Variants in STAG1 observed in about 807,000 individuals in gnomAD.
STAG1 encodes cohesin subunit SA-1.
STAG1 carries 26 observed loss-of-function variants against 170.9 expected under a neutral mutation model. The observed-to-expected ratio is 0.15, with a 90% CI of 0.11 to 0.21. The LOEUF is 0.21. STAG1 is among the 10% of genes least tolerant of loss of function. The pLI, the probability that STAG1 is intolerant of heterozygous loss-of-function variation, is 1.00. For missense variants in STAG1, 964 were observed against 1,509.5 expected (o/e 0.64, Z 5.99); for synonymous variants, 514 against 497.7 (o/e 1.03, Z -0.44).
intron 14 of STAG1, among the ~76,000 whole-genome samples, chr3:136,448,639 T>C (rs2088852651): frequency 6.6e-6 from 1 of 152,028 alleles, no homozygotes; most frequent in Non-Finnish European, 1.5e-5. Flanking sequence ...CTGTAACTAA[T>C]CTATAAAAGA....
chr3:136,555,408 G>A (rs1936572428), intron 5 of STAG1, among the ~76,000 whole-genome samples: 1 of 151,582 alleles, frequency 6.6e-6, no homozygotes, highest in Non-Finnish European at 1.5e-5. Flanking sequence ...TCACGACTGG[G>A]CACAGTGGCT....
intron 3 of STAG1, among the ~76,000 whole-genome samples, chr3:136,613,028 C>T (rs1450897347): frequency 2.0e-5 from 3 of 152,000 alleles, no homozygotes; most frequent in East Asian, 3.9e-4. Context: ...CTGGGCCGGG[C>T]GCAGTGGCTC....
intron 13 of STAG1, among the ~76,000 whole-genome samples, chr3:136,461,480 T>C (rs999559413): frequency 3.4e-5 from 5 of 149,056 alleles, no homozygotes; most frequent in African/African-American, 1.2e-4. Flanking sequence ...AGTAGCAGAA[T>C]ACAAAATCAA....
At chr3:136,535,887 C>A (rs570651031) in intron 6 of STAG1, among the ~76,000 whole-genome samples, 2 of 152,194 alleles carry the variant, frequency 1.3e-5, no homozygotes, top group Non-Finnish European at 2.9e-5. Flanking sequence ...AATAAAAAAC[C>A]GAATTCCTAC....
chr3:136,477,456 C>A (rs1012052937), intron 9 of STAG1, 44 bp from the exon 10 acceptor site: 2 of 1,523,408 alleles, frequency 1.3e-6, no homozygotes, highest in Admixed American at 3.9e-5. Context: ...ATATACAAAG[C>A]TAGAATGCAT....
intron 23 of STAG1, among the ~76,000 whole-genome samples, chr3:136,374,157 T>C (rs891536591): frequency 1.3e-5 from 2 of 152,132 alleles, no homozygotes; most frequent in Non-Finnish European, 2.9e-5. Flanking sequence ...GAGACTAGGA[T>C]TGCAACCCCT....
intron 1 of STAG1, among the ~76,000 whole-genome samples, chr3:136,739,716 CGA>C (rs1350226380): frequency 6.6e-6 from 1 of 151,432 alleles, no homozygotes; most frequent in Non-Finnish European, 1.5e-5. Flanking sequence ...CCCAGCTACT[CGA>C]GAGGCTGAGG....
intron 3 of STAG1, among the ~76,000 whole-genome samples, chr3:136,607,142 A>G (rs1316410107): frequency 6.6e-6 from 1 of 152,140 alleles, no homozygotes; most frequent in Non-Finnish European, 1.5e-5. Context: ...CTTGGCTGAC[A>G]TAGTGTTTTG....
chr3:136,492,873 T>C (rs1025995963), intron 9 of STAG1, among the ~76,000 whole-genome samples: 10 of 152,178 alleles, frequency 6.6e-5, no homozygotes, highest in African/African-American at 2.2e-4. Context: ...CTGAAAATAA[T>C]GCTGTACAGG....
At chr3:136,640,040 G>GT (rs1940732303) in intron 1 of STAG1, among the ~76,000 whole-genome samples, 1 of 152,114 alleles carries the variant, frequency 6.6e-6, no homozygotes, top group African/African-American at 2.4e-5. Context: ...ACAAAAACCT[G>GT]TAAGTTTTTG....
At chr3:136,613,649 G>A (rs1000547037) in intron 3 of STAG1, among the ~76,000 whole-genome samples, 5 of 152,028 alleles carry the variant, frequency 3.3e-5, no homozygotes, top group South Asian at 4.1e-4. Flanking sequence ...ACCACACCCA[G>A]GTAATTTTTT....
rs138253511 is a variant in STAG1, at chr3:136,716,467, A to G, written c.-84+35728T>C. On this transcript the variant is annotated intron_variant, in intron 1 of 33. Transcript: ENST00000383202. ...GACAGAGCAAAACTCCATCTCAAAAAAGAAAAAAAAAGAAAAAAAGAACTA... is the reference window on the plus strand; with the variant it reads ...GACAGAGCAAAACTCCATCTCAAAAGAGAAAAAAAAAGAAAAAAAGAACTA... Among the ~76,000 whole-genome samples the G allele has an allele frequency of 7.2e-3, 1,090 of 152,090 alleles. 22 individuals carry two copies. Among genetic ancestry groups the G allele is most frequent in the African/African-American group, 0.024 (983 of 41,422 alleles).
At chr3:136,449,528 C>G (rs1268532112) in intron 14 of STAG1, among the ~76,000 whole-genome samples, 1 of 150,942 alleles carries the variant, frequency 6.6e-6, no homozygotes, top group Non-Finnish European at 1.5e-5. Context: ...CCACTGCACT[C>G]CAGCCTGAGT....
chr3:136,604,567 A>G (rs574051271), intron 3 of STAG1, 94 bp from the exon 4 acceptor site: 1 of 1,102,770 alleles, frequency 9.1e-7, no homozygotes, highest in South Asian at 2.3e-5. Context: ...ATCCCTAACC[A>G]AAAGAAACTT....
At chr3:136,383,999 T>G (rs1311121823) in intron 22 of STAG1, among the ~76,000 whole-genome samples, 1 of 150,238 alleles carries the variant, frequency 6.7e-6, no homozygotes, top group Non-Finnish European at 1.5e-5. Flanking sequence ...ACAGAGATGT[T>G]AAGCAACAGG....
At chr3:136,426,337 AG>A in intron 16 of STAG1, among the ~76,000 whole-genome samples, 1 of 152,140 alleles carries the variant, frequency 6.6e-6, no homozygotes, top group South Asian at 2.1e-4. Context: ...GTGAACCCCC[AG>A]GGGGCGGAGC....
intron 1 of STAG1, among the ~76,000 whole-genome samples, chr3:136,660,009 T>C (rs767131322): frequency 1.3e-5 from 2 of 152,116 alleles, no homozygotes; most frequent in Non-Finnish European, 2.9e-5. Flanking sequence ...CAAAACCCCA[T>C]CTCTATAAAA....
intron 1 of STAG1, among the ~76,000 whole-genome samples, chr3:136,642,605 T>A (rs1320977997): frequency 6.6e-6 from 1 of 152,172 alleles, no homozygotes; most frequent in Non-Finnish European, 1.5e-5. Flanking sequence ...TAAAAGAAAC[T>A]GCTGATAAAA....
At chr3:136,572,837 C>A (rs1023147079) in intron 4 of STAG1, among the ~76,000 whole-genome samples, 2 of 151,954 alleles carry the variant, frequency 1.3e-5, no homozygotes, top group African/African-American at 2.4e-5. Context: ...CAAAGTTGTA[C>A]CTTTTATAAG....
Sources: gnomAD v4.1 joint callset for allele counts (sites outside exome capture counted in the v4.1 genomes callset) on GRCh38, gnomAD v4.1.1 for gene constraint, MANE v1.5 for transcripts, NCBI Gene and HGNC (gene_info 2026-07-23, HGNC 2026-07-21) for gene names.